The following SULF2 variants were observed in gnomAD, a reference collection of about 807,000 sequenced individuals.
SULF2 encodes the protein extracellular sulfatase Sulf-2.
In SULF2, 52 loss-of-function variants were observed where a neutral mutation model predicts 107.7. That is an observed-to-expected ratio of 0.48 (90% CI 0.39 to 0.61). The LOEUF (loss-of-function observed/expected upper bound fraction) is 0.61, where lower values mean the gene tolerates loss of function less well. Ranked by LOEUF, SULF2 falls within the 20% of genes least tolerant of loss-of-function variation. The probability of loss-of-function intolerance (pLI) is 0.00; values close to 1 mark genes in which losing one functional copy is unlikely to be tolerated. For synonymous variants in SULF2, 460 were observed against 464.3 expected (o/e 0.99, Z 0.12); for missense variants, 993 against 1,177.3 (o/e 0.84, Z 2.29).
rs397837137 is a variant in SULF2 at position 47,742,927 on chromosome 20, A to ATTTTTTT, written c.176-5992_176-5986dup. ...AGGGAGTTTCAGGATTCAAAACATG[A>ATTTTTTT]TTTTTTTTTTTTTTTTTTTTTTTTT... is the stretch of plus-strand genomic sequence containing the variant. On this transcript the variant is annotated intron_variant, in intron 2 of 20. Transcript: ENST00000688720. 1.8e-4 allele frequency among the ~76,000 whole-genome samples: 18 copies of ATTTTTTT among 99,450 alleles called. 8 individuals are homozygous for ATTTTTTT. Among genetic ancestry groups the ATTTTTTT allele is most frequent in the Non-Finnish European group, 1.6e-4 (8 of 50,784 alleles). 65.2% of individuals were successfully genotyped at this position (99,450 alleles called of 152,430 possible). A position where few individuals can be genotyped will look rare whatever the true frequency, so the allele number is the denominator to read the frequency against.
At chr20:47,782,783 C>A (rs1370562774) in intron 1 of SULF2, among the ~76,000 whole-genome samples, 1 of 152,190 alleles carries the variant, frequency 6.6e-6, no homozygotes, top group East Asian at 1.9e-4. Context: ...CACATGTTTT[C>A]CTTGGGGCAA....
chr20:47,698,683 G>T (rs373180899), intron 4 of SULF2, among the ~76,000 whole-genome samples: 5 of 152,116 alleles, frequency 3.3e-5, no homozygotes, highest in Non-Finnish European at 5.9e-5. Context: ...TAAGCCACTG[G>T]GAGTTAAATT....
chr20:47,749,307 T>G (rs1327960220), intron 2 of SULF2, among the ~76,000 whole-genome samples: 1 of 152,254 alleles, frequency 6.6e-6, no homozygotes, highest in Non-Finnish European at 1.5e-5. Flanking sequence ...AACCTAATCC[T>G]GATACACTTA....
At chr20:47,775,523 C>G (rs1217314015) in intron 1 of SULF2, among the ~76,000 whole-genome samples, 1 of 152,178 alleles carries the variant, frequency 6.6e-6, no homozygotes, top group Non-Finnish European at 1.5e-5. Flanking sequence ...GAAACACAAC[C>G]CAAGAATCCT....
chr20:47,783,816 C>T (rs891386624), intron 1 of SULF2, among the ~76,000 whole-genome samples: 65 of 152,166 alleles, frequency 4.3e-4, no homozygotes, highest in African/African-American at 1.6e-3. Flanking sequence ...GCCTTTCAAG[C>T]TGCTTATTAG....
intron 2 of SULF2, among the ~76,000 whole-genome samples, chr20:47,745,404 AAAAAAAATATAT>A (rs2090000098): frequency 4.4e-5 from 1 of 22,906 alleles, no homozygotes; most frequent in Non-Finnish European, 6.7e-5. Context: ...AAAAAAAAAA[AAAAAAAATATAT>A]ATATATATAT....
intron 3 of SULF2, among the ~76,000 whole-genome samples, chr20:47,730,440 T>C (rs1312547949): frequency 5.3e-5 from 8 of 151,986 alleles, no homozygotes; most frequent in Admixed American, 5.2e-4. Flanking sequence ...CTGGAAAAGG[T>C]TGCCTTTTTG....
intron 1 of SULF2, among the ~76,000 whole-genome samples, chr20:47,770,393 A>G (rs1347769973): frequency 6.6e-6 from 1 of 152,064 alleles, no homozygotes; most frequent in Non-Finnish European, 1.5e-5. Flanking sequence ...CCTTCTGACT[A>G]TGTGAGGGGA....
intron 1 of SULF2, among the ~76,000 whole-genome samples, chr20:47,764,451 C>G (rs139887513): frequency 1.3e-3 from 195 of 152,352 alleles, no homozygotes; most frequent in Non-Finnish European, 2.4e-3. Flanking sequence ...TTCCCACCCC[C>G]CCTTATATAT....
intron 3 of SULF2, among the ~76,000 whole-genome samples, chr20:47,713,045 G>A (rs559488150): frequency 6.6e-6 from 1 of 152,006 alleles, no homozygotes; most frequent in South Asian, 2.1e-4. Flanking sequence ...TGTCTGGGGG[G>A]CAGGGGTGGG....
chr20:47,683,142 C>T lies in SULF2; in HGVS notation c.916G>A (p.Glu306Lys), dbSNP rs2087884632. ...TATACGATGTACGTGTTGTCCAGCT[C>T]GCCCGTCTCAACCAGCATGTTGTAA... Reference protein sequence around the residue: ...TIYNMLVETGELDNTYIVYTA... With the variant: ...TIYNMLVETGKLDNTYIVYTA... Residue 306 changes from glutamate (E) to lysine (K), a missense_variant, in exon 7 of 21, where the codon GAG becomes AAG. Physicochemically the swap from Glu to Lys is moderately conservative, Grantham distance 56 (BLOSUM62 1). Coordinates refer to ENST00000688720, the MANE Select transcript of SULF2 (RefSeq NM_001387048.1). The T allele has an allele frequency of 6.2e-6, 10 of 1,608,490 alleles. No homozygotes were observed. Among genetic ancestry groups the T allele is most frequent in the East Asian group, 2.2e-5 (1 of 44,778 alleles).
intron 1 of SULF2, among the ~76,000 whole-genome samples, chr20:47,759,881 CTTAT>C (rs1363536373): frequency 6.6e-6 from 1 of 152,234 alleles, no homozygotes; most frequent in Non-Finnish European, 1.5e-5. Flanking sequence ...CCTGCAATTT[CTTAT>C]TTATTGTCCA....
At position 47,666,049 on chromosome 20, in the gene SULF2, C is replaced by T; in HGVS notation, c.1806-96G>A. ...GTGGGAAGCCCTTGCCGAGGTCTGTCCTGTCCCCTTCACCCTCGACTTCCA... is the reference window on the plus strand; with the variant it reads ...GTGGGAAGCCCTTGCCGAGGTCTGTTCTGTCCCCTTCACCCTCGACTTCCA... On this transcript the variant is annotated intron_variant, in intron 12 of 20. Coordinates refer to ENST00000688720, the MANE Select transcript of SULF2 (RefSeq NM_001387048.1). The surrounding 1 kb of genome is among the most constrained non-coding windows in gnomAD (Gnocchi z 5.4). The T allele has an allele frequency of 1.9e-6, 3 of 1,587,544 alleles. No individual in the cohort carries two copies. Among genetic ancestry groups the T allele is most frequent in the Non-Finnish European group, 2.6e-6 (3 of 1,157,344 alleles).
chr20:47,724,491 G>A (rs886253361), intron 3 of SULF2, among the ~76,000 whole-genome samples: 1 of 152,216 alleles, frequency 6.6e-6, no homozygotes. Context: ...GGCTGCCTGT[G>A]CCTAATTAAA....
At chr20:47,660,311 G>A (rs1241343923) in intron 18 of SULF2, among the ~76,000 whole-genome samples, 1 of 152,202 alleles carries the variant, frequency 6.6e-6, no homozygotes, top group Non-Finnish European at 1.5e-5. Flanking sequence ...CACTTGAGTG[G>A]CAGAGATTAG....
intron 10 of SULF2, 29 bp from the exon 11 acceptor site, chr20:47,672,422 C>A: frequency 6.6e-7 from 1 of 1,517,126 alleles, no homozygotes; most frequent in Non-Finnish European, 8.8e-7. Context: ...CCTCGGCCAG[C>A]TGCTCATCTG....
At chr20:47,754,016 T>C (rs2090220996) in intron 2 of SULF2, among the ~76,000 whole-genome samples, 1 of 152,178 alleles carries the variant, frequency 6.6e-6, no homozygotes. Flanking sequence ...ACTTACGAAC[T>C]AGTATGGCCC....
At chr20:47,679,995 C>A (rs1259770783) in intron 7 of SULF2, among the ~76,000 whole-genome samples, 1 of 152,228 alleles carries the variant, frequency 6.6e-6, no homozygotes, top group African/African-American at 2.4e-5. Context: ...TGCAGGAAGG[C>A]TGGCTCAGGT....
chr20:47,727,729 G>A (rs974140988), intron 3 of SULF2, among the ~76,000 whole-genome samples: 2 of 152,216 alleles, frequency 1.3e-5, no homozygotes, highest in Non-Finnish European at 2.9e-5. Flanking sequence ...GGCACTGGGT[G>A]ACTAGTGCTT....
Sources: allele counts gnomAD v4.1 joint callset (sites outside exome capture counted in the v4.1 genomes callset), GRCh38; gene constraint gnomAD v4.1.1; non-coding constraint Gnocchi (gnomAD v3.1); transcripts MANE v1.5; gene names NCBI Gene and HGNC (gene_info 2026-07-23, HGNC 2026-07-21).